The following TENM3 variants were observed in gnomAD, a reference collection of about 807,000 sequenced individuals.
TENM3 encodes teneurin transmembrane protein 3.
TENM3 carries 63 observed loss-of-function variants against 255.1 expected under a neutral mutation model. The ratio of observed to expected loss-of-function variants is 0.25; its 90% CI spans 0.20 to 0.30. TENM3 has a LOEUF of 0.30. TENM3 is among the 10% of genes least tolerant of loss of function. The pLI is 1.00. For missense variants in TENM3, 2,929 were observed against 3,461.1 expected (o/e 0.85, Z 3.86); for synonymous variants, 1,306 against 1,322.3 (o/e 0.99, Z 0.27).
At chr4:182,553,240 A>T (rs911869277) in intron 3 of TENM3, among the ~76,000 whole-genome samples, 3 of 152,022 alleles carry the variant, frequency 2.0e-5, no homozygotes, top group Admixed American at 2.0e-4. Context: ...GACTACAGGC[A>T]AGAGCCACCA....
the TENM3 span, among the ~76,000 whole-genome samples, chr4:182,077,662 C>T: frequency 6.6e-6 from 1 of 152,158 alleles, no homozygotes; most frequent in East Asian, 1.9e-4. Flanking sequence ...ATTTGCCAGG[C>T]ATTATTCTAA....
At chr4:182,283,142 A>G (rs1275687208) in intron 1 of TENM3, among the ~76,000 whole-genome samples, 1 of 152,168 alleles carries the variant, frequency 6.6e-6, no homozygotes, top group Non-Finnish European at 1.5e-5. Flanking sequence ...TTCAACGTAA[A>G]TAATAGTAAT....
chr4:182,417,120 C>A (rs960077960), intron 3 of TENM3, among the ~76,000 whole-genome samples: 1 of 151,868 alleles, frequency 6.6e-6, no homozygotes, highest in African/African-American at 2.4e-5. Context: ...ATTACAGGCG[C>A]CTGCCACCAC....
intron 2 of TENM3, among the ~76,000 whole-genome samples, chr4:182,324,457 C>A (rs531355841): frequency 6.6e-5 from 10 of 152,330 alleles, no homozygotes; most frequent in African/African-American, 2.4e-4. Context: ...CAGGCACAGG[C>A]ACTGACACGT....
At chr4:182,339,268 G>T (rs1764327484) in intron 2 of TENM3, among the ~76,000 whole-genome samples, 1 of 152,194 alleles carries the variant, frequency 6.6e-6, no homozygotes, top group African/African-American at 2.4e-5. Context: ...AGATCAAAAT[G>T]ATTAATCCTT....
chr4:181,801,808 C>T, the TENM3 span, among the ~76,000 whole-genome samples: 3 of 151,696 alleles, frequency 2.0e-5, no homozygotes, highest in African/African-American at 7.3e-5. Flanking sequence ...GTCATTTTCA[C>T]TTCCTATTAG....
intron 3 of TENM3, among the ~76,000 whole-genome samples, chr4:182,349,000 C>G (rs995286763): frequency 6.6e-6 from 1 of 152,142 alleles, no homozygotes; most frequent in Non-Finnish European, 1.5e-5. Context: ...AAAAGTTGCA[C>G]TCTTTAATTT....
In TENM3 at chr4:182,702,291, A is replaced by G. The variant is rs1035443410; in HGVS notation, c.2222-11796A>G. ...CTACCCTGGGAACAGGCCAGTTCAT[A>G]TAAAGAATGTTCTCAGCAAAAGGAG... is the stretch of plus-strand genomic sequence containing the variant. On this transcript the variant is annotated intron_variant, in intron 12 of 27. Transcript: ENST00000511685. 3.3e-5 allele frequency among the ~76,000 whole-genome samples: 5 copies of G among 152,284 alleles called. No individual in the cohort carries two copies. The East Asian group carries it at 9.7e-4, about 29-fold the overall frequency.
the TENM3 span, among the ~76,000 whole-genome samples, chr4:181,455,468 CCT>C: frequency 6.6e-6 from 1 of 152,030 alleles, no homozygotes; most frequent in African/African-American, 2.4e-5. Context: ...AACATGAACT[CCT>C]CTAAACACAT....
intron 3 of TENM3, among the ~76,000 whole-genome samples, chr4:182,390,530 G>A (rs1336564999): frequency 6.6e-6 from 1 of 152,132 alleles, no homozygotes; most frequent in Non-Finnish European, 1.5e-5. Context: ...TTGCTAACAA[G>A]GTGCCCTGAT....
chr4:181,851,392 T>C, the TENM3 span, among the ~76,000 whole-genome samples: 1 of 152,118 alleles, frequency 6.6e-6, no homozygotes, highest in Admixed American at 6.5e-5. Flanking sequence ...CCTCATGGGA[T>C]AGATGCTGCA....
At chr4:182,137,841 TA>T in the TENM3 span, among the ~76,000 whole-genome samples, 1 of 152,218 alleles carries the variant, frequency 6.6e-6, no homozygotes, top group Non-Finnish European at 1.5e-5. Context: ...CTATTATCTG[TA>T]ACAAAGTCTA....
intron 3 of TENM3, among the ~76,000 whole-genome samples, chr4:182,448,800 G>GGGCGAGGGGGTGAGGCGAGGGGGTGA (rs60353198): frequency 4.0e-5 from 6 of 151,768 alleles, no homozygotes; most frequent in African/African-American, 1.4e-4. Context: ...GTGTGGAGCG[G>GGGCGAGGGGGTGAGGCGAGGGGGTGA]GGCGAGGGGG....
At chr4:182,704,313 C>T (rs1289762796) in intron 12 of TENM3, among the ~76,000 whole-genome samples, 1 of 152,214 alleles carries the variant, frequency 6.6e-6, no homozygotes, top group Non-Finnish European at 1.5e-5. Flanking sequence ...CACATCCCAA[C>T]ATCAGTGAGC....
the TENM3 span, among the ~76,000 whole-genome samples, chr4:181,692,095 G>A: frequency 3.9e-5 from 6 of 152,134 alleles, no homozygotes; most frequent in African/African-American, 7.2e-5. Context: ...ATGGATGAAC[G>A]AATTGATGCA....
the TENM3 span, among the ~76,000 whole-genome samples, chr4:181,599,992 C>T: frequency 4.6e-5 from 7 of 152,142 alleles, no homozygotes; most frequent in East Asian, 7.7e-4. Flanking sequence ...GTGACTGTAT[C>T]GCCCTCTTTC....
At chr4:182,733,955 A>C (rs749186341) in intron 16 of TENM3, among the ~76,000 whole-genome samples, 3 of 152,218 alleles carry the variant, frequency 2.0e-5, no homozygotes, top group Non-Finnish European at 4.4e-5. Context: ...CCATGAATAC[A>C]TGGAGTCTTT....
At chr4:182,617,620 T>C (rs1334270494) in intron 4 of TENM3, among the ~76,000 whole-genome samples, 1 of 152,196 alleles carries the variant, frequency 6.6e-6, no homozygotes, top group African/African-American at 2.4e-5. Flanking sequence ...AACTTTTGGA[T>C]ATTGAAAAGG....
chr4:182,135,199 G>T, the TENM3 span, among the ~76,000 whole-genome samples: 29 of 97,892 alleles, frequency 3.0e-4, no homozygotes, highest in Middle Eastern at 0.024. Context: ...GGTGAGACTC[G>T]GTCTCAAAAA....
Sources: allele counts gnomAD v4.1 joint callset (sites outside exome capture counted in the v4.1 genomes callset), GRCh38; gene constraint gnomAD v4.1.1; transcripts MANE v1.5; gene names NCBI Gene and HGNC (gene_info 2026-07-23, HGNC 2026-07-21).